OBI1: variants seen among roughly 807,000 people sequenced by gnomAD.
OBI1 encodes the protein ring finger protein 219.
In OBI1, 59 loss-of-function variants were observed where a neutral mutation model predicts 62.4. The ratio of observed to expected loss-of-function variants is 0.95; its 90% CI spans 0.77 to 1.17. The LOEUF is 1.17. OBI1 is among the 50% of genes most tolerant of loss of function. The pLI, the probability that OBI1 is intolerant of heterozygous loss-of-function variation, is 0.00. For synonymous variants in OBI1, 302 were observed against 292.8 expected (o/e 1.03, Z -0.32); for missense variants, 875 against 830.9 (o/e 1.05, Z -0.65).
Position 78,616,727 on chromosome 13 carries a change from T to C in OBI1, c.1034A>G (p.Tyr345Cys). The change falls in exon 6 of 6, where the codon TAT becomes TGT. Residue 345 changes from tyrosine (Y) to cysteine (C), a missense_variant. By Grantham distance (194) the Tyr-to-Cys change is radical. Transcript: ENST00000282003. ...TAACATTACTTCTACCTGTTCTTGA[T>C]ATAGGTCTTTGTTCTTAGAACAGTT... ...DLNCSKNKDL[Y>C]QEQVEVMLDV... 6.2e-7 allele frequency: 1 copy of C among 1,614,206 alleles called. No individual in the cohort carries two copies. Among genetic ancestry groups the C allele is most frequent in the Non-Finnish European group, 8.5e-7 (1 of 1,180,012 alleles).
chr13:78,653,613 A>C (rs1194237792), intron 1 of OBI1, among the ~76,000 whole-genome samples: 2 of 152,192 alleles, frequency 1.3e-5, no homozygotes, highest in African/African-American at 2.4e-5. Flanking sequence ...TCTGGGAGAA[A>C]TAAATACAGG....
intron 4 of OBI1, among the ~76,000 whole-genome samples, chr13:78,636,742 T>C (rs1876042152): frequency 6.6e-6 from 1 of 152,226 alleles, no homozygotes; most frequent in Admixed American, 6.5e-5. Context: ...GAAAGCCATT[T>C]ACTTCCTCAT....
intron 5 of OBI1, among the ~76,000 whole-genome samples, chr13:78,623,212 T>TG (rs1242006554): frequency 6.7e-6 from 1 of 150,232 alleles, no homozygotes; most frequent in Non-Finnish European, 1.5e-5. Context: ...TGGTCAATCC[T>TG]AGTCACACGC....
chr13:78,638,308 A>G (rs1023670841), intron 4 of OBI1, among the ~76,000 whole-genome samples: 1 of 152,230 alleles, frequency 6.6e-6, no homozygotes, highest in Non-Finnish European at 1.5e-5. Context: ...ATTCTTTTGC[A>G]TGAGGTACTC....
chr13:78,645,825 T>G (rs919240158), intron 1 of OBI1, among the ~76,000 whole-genome samples: 2 of 152,174 alleles, frequency 1.3e-5, no homozygotes, highest in African/African-American at 4.8e-5. Flanking sequence ...CATTTTTCTA[T>G]TTTTAGGAGA....
At chr13:78,634,446 C>T (rs545437097) in intron 5 of OBI1, among the ~76,000 whole-genome samples, 1 of 151,988 alleles carries the variant, frequency 6.6e-6, no homozygotes, top group Non-Finnish European at 1.5e-5. Context: ...AGGTGCCCAA[C>T]ACCACGCACA....
At chr13:78,651,303 C>G (rs550610299) in intron 1 of OBI1, among the ~76,000 whole-genome samples, 1 of 152,314 alleles carries the variant, frequency 6.6e-6, no homozygotes, top group African/African-American at 2.4e-5. Context: ...CACAATGATG[C>G]CAGAGCTACC....
chr13:78,653,537 A>G (rs977443195), intron 1 of OBI1, among the ~76,000 whole-genome samples: 13 of 152,240 alleles, frequency 8.5e-5, no homozygotes, highest in Non-Finnish European at 1.5e-5. Context: ...TTCAACTGCA[A>G]AATCATGTGT....
At chr13:78,654,243 C>T (rs1380793279) in intron 1 of OBI1, among the ~76,000 whole-genome samples, 10 of 152,076 alleles carry the variant, frequency 6.6e-5, no homozygotes, top group East Asian at 1.9e-4. Context: ...GATACATCTA[C>T]GATTTTTGAA....
chr13:78,632,864 C>T (rs1027614787), intron 5 of OBI1, among the ~76,000 whole-genome samples: 4 of 152,110 alleles, frequency 2.6e-5, no homozygotes, highest in African/African-American at 9.7e-5. Context: ...GTGAACTTCC[C>T]CTGAAGGGAA....
At chr13:78,631,559 G>C (rs9544857) in intron 5 of OBI1, among the ~76,000 whole-genome samples, 4 of 152,100 alleles carry the variant, frequency 2.6e-5, no homozygotes, top group Admixed American at 2.6e-4. Context: ...AAATCTCTTA[G>C]GAGTCCAAGT....
rs181931514 is a variant in OBI1 at position 78,627,444 on chromosome 13, C to T, written c.638+7666G>A. On this transcript the variant is annotated intron_variant, in intron 5 of 5. Coordinates refer to ENST00000282003, the MANE Select transcript of OBI1 (RefSeq NM_024546.4). ...CCTCCCCTCAGCCCCCACCCCTTAA[C>T]GGCCCTGGTGGGTGCTGTTCCCTTC... Among the ~76,000 whole-genome samples, 687 of 152,024 alleles carry T rather than the reference C, an allele frequency of 4.5e-3. 6 individuals carry two copies. The highest frequency in any genetic ancestry group is 0.035 in the South Asian group (167 of 4,814).
At position 78,645,392 on chromosome 13, in the gene OBI1, T is replaced by A. The variant is rs541776162; in HGVS notation, c.73-395A>T. On this transcript the variant is annotated intron_variant, in intron 1 of 5. Transcript: ENST00000282003. ...TCATTTAGCACAATCATCCATCTGA[T>A]GCCCGAATCCTTTTCTCAATTCATT... 2.6e-4 allele frequency among the ~76,000 whole-genome samples: 39 copies of A among 152,352 alleles called. No individual in the cohort carries two copies. The South Asian group carries it at 3.5e-3, about 14-fold the overall frequency.
At chr13:78,635,258 T>C (rs1388451676) in intron 4 of OBI1, 60 bp from the exon 5 acceptor site, 2 of 982,872 alleles carry the variant, frequency 2.0e-6, no homozygotes, top group African/African-American at 3.2e-5. Context: ...CTTGTAAAAA[T>C]TACAACATGA....
chr13:78,644,120 A>G (rs1876309776), intron 2 of OBI1, among the ~76,000 whole-genome samples: 1 of 152,116 alleles, frequency 6.6e-6, no homozygotes, highest in Admixed American at 6.5e-5. Context: ...TACATTTTCT[A>G]TCACCTAGGC....
At chr13:78,628,086 A>G (rs1398772037) in intron 5 of OBI1, among the ~76,000 whole-genome samples, 1 of 152,224 alleles carries the variant, frequency 6.6e-6, no homozygotes, top group Non-Finnish European at 1.5e-5. Context: ...AGACAGTGAT[A>G]ATGGCTGTGA....
At chr13:78,620,384 C>T (rs1220725872) in intron 5 of OBI1, among the ~76,000 whole-genome samples, 1 of 152,196 alleles carries the variant, frequency 6.6e-6, no homozygotes, top group African/African-American at 2.4e-5. Context: ...ATACTTCCTC[C>T]TTTTCTTGAG....
chr13:78,633,451 T>A (rs889395048), intron 5 of OBI1, among the ~76,000 whole-genome samples: 1 of 152,150 alleles, frequency 6.6e-6, no homozygotes, highest in Non-Finnish European at 1.5e-5. Flanking sequence ...AGCAGAGAGC[T>A]ATTTCTGGTA....
intron 5 of OBI1, chr13:78,620,628 G>A (rs957630819): frequency 6.6e-6 from 3 of 456,396 alleles, no homozygotes; most frequent in Non-Finnish European, 1.3e-5. Flanking sequence ...GAGAGAAAAG[G>A]ATGCCAGTTC....
Sources: allele counts gnomAD v4.1 joint callset (sites outside exome capture counted in the v4.1 genomes callset), GRCh38; gene constraint gnomAD v4.1.1; transcripts MANE v1.5; gene names NCBI Gene and HGNC (gene_info 2026-07-23, HGNC 2026-07-21).